The following PRDM16 variants were observed in gnomAD, a reference collection of about 807,000 sequenced individuals.
PRDM16 encodes the protein histone-lysine N-methyltransferase PRDM16.
A neutral mutation model predicts 110.6 loss-of-function variants in PRDM16; 23 were observed. That is an observed-to-expected ratio of 0.21 (90% CI 0.15 to 0.29). PRDM16 has a LOEUF of 0.29. PRDM16 is among the 10% of genes least tolerant of loss of function. PRDM16 has a pLI of 1.00. For missense variants in PRDM16, 1,615 were observed against 1,794.3 expected, an observed-to-expected ratio of 0.90 and a Z score of 1.81; for synonymous variants, 799 against 781.8, an observed-to-expected ratio of 1.02 and a Z score of -0.37.
Position 3,361,828 on chromosome 1 carries a change from C to T in PRDM16, c.439-23324C>T, listed in dbSNP as rs557415845. Among the ~76,000 whole-genome samples, 23 of 148,878 alleles carry T rather than the reference C, an allele frequency of 1.5e-4. 1 individual carries two copies. The highest frequency in any genetic ancestry group is 5.7e-4 in the African/African-American group (23 of 40,580). ...CAGGAGGGCAGGTGGTGAGAAGTGACTGTGGCCCAGGAGGGCAGGTGGTGA... is the reference window on the plus strand; with the variant it reads ...CAGGAGGGCAGGTGGTGAGAAGTGATTGTGGCCCAGGAGGGCAGGTGGTGA... On this transcript the variant is annotated intron_variant, in intron 3 of 16. Transcript: ENST00000270722.
At chr1:3,162,283 G>A (rs1201101317) in intron 1 of PRDM16, among the ~76,000 whole-genome samples, 2 of 151,748 alleles carry the variant, frequency 1.3e-5, no homozygotes, top group Admixed American at 6.6e-5. Flanking sequence ...CCCGAGTCCC[G>A]GGACTTTCTC....
At chr1:3,383,496 T>G (rs1643141058) in intron 3 of PRDM16, among the ~76,000 whole-genome samples, 1 of 152,102 alleles carries the variant, frequency 6.6e-6, no homozygotes, top group South Asian at 2.1e-4. Context: ...CCTGGAAGCC[T>G]CAGGGGAAGA....
At chr1:3,375,113 C>T (rs918241055) in intron 3 of PRDM16, among the ~76,000 whole-genome samples, 3 of 152,190 alleles carry the variant, frequency 2.0e-5, no homozygotes, top group East Asian at 1.9e-4. Flanking sequence ...GGGGGGACAC[C>T]GAGGCAGGAC....
chr1:3,069,383 G>A lies in PRDM16; in HGVS notation c.37+87G>A. 2.8e-6 allele frequency: 1 copy of A among 362,636 alleles called. No individual in the cohort carries two copies. Among genetic ancestry groups the A allele is most frequent in the Non-Finnish European group, 3.8e-6 (1 of 265,726 alleles). 22.5% of individuals were successfully genotyped at this position (362,636 alleles called of 1,614,324 possible). A position where few individuals can be genotyped will look rare whatever the true frequency, so the allele number is the denominator to read the frequency against. ...CCGGGCCAGGGGTGCGCGTCGGGGC[G>A]CGGCCGGCGCGCCTGCGGCTCCGGG... On this transcript the variant is annotated intron_variant, in intron 1 of 16. Transcript: ENST00000270722. This position sits in a 1 kb window ranked among gnomAD's most constrained non-coding sequence, Gnocchi z 6.1.
chr1:3,313,991 T>G (rs1641531205), intron 3 of PRDM16, among the ~76,000 whole-genome samples: 1 of 148,268 alleles, frequency 6.7e-6, no homozygotes, highest in South Asian at 2.1e-4. Context: ...GAAATGTAAT[T>G]AGGGAGTCAC....
At position 3,350,933 on chromosome 1, in the gene PRDM16, C is replaced by T. The variant is rs1035439901; in HGVS notation, c.439-34219C>T. Among the ~76,000 whole-genome samples the T allele has an allele frequency of 1.9e-4, 29 of 152,194 alleles. No individual in the cohort carries two copies. Among genetic ancestry groups the T allele is most frequent in the Admixed American group, 5.2e-4 (8 of 15,282 alleles). ...GGACTTGGGGATTCACTTCAGCTCT[C>T]GCTTTATTATGGAGCCTGGGAGAAA... On this transcript the variant is annotated intron_variant, in intron 3 of 16. Transcript: ENST00000270722. The surrounding 1 kb of genome is among the most constrained non-coding windows in gnomAD (Gnocchi z 7.1).
At chr1:3,259,768 C>A (rs1216877162) in intron 3 of PRDM16, among the ~76,000 whole-genome samples, 1 of 151,952 alleles carries the variant, frequency 6.6e-6, no homozygotes, top group Non-Finnish European at 1.5e-5. Flanking sequence ...TCTGCGTGAG[C>A]CACCTCCGTG....
chr1:3,137,874 C>T (rs550538814), intron 1 of PRDM16, among the ~76,000 whole-genome samples: 2 of 152,358 alleles, frequency 1.3e-5, no homozygotes, highest in Admixed American at 6.5e-5. Context: ...CATCCTCCCT[C>T]GCCGATGCTT....
At chr1:3,276,267 C>T (rs1176639063) in intron 3 of PRDM16, among the ~76,000 whole-genome samples, 1 of 152,226 alleles carries the variant, frequency 6.6e-6, no homozygotes, top group Non-Finnish European at 1.5e-5. Flanking sequence ...CCCCGGCCCC[C>T]GCCATCCTCG....
intron 3 of PRDM16, among the ~76,000 whole-genome samples, chr1:3,342,951 A>G (rs961687684): frequency 6.6e-6 from 1 of 152,148 alleles, no homozygotes; most frequent in Non-Finnish European, 1.5e-5. Context: ...AGTTTCTACA[A>G]GTATTCATGT....
At chr1:3,323,089 CGCT>C (rs1641799165) in intron 3 of PRDM16, among the ~76,000 whole-genome samples, 1 of 152,184 alleles carries the variant, frequency 6.6e-6, no homozygotes, top group Non-Finnish European at 1.5e-5. Context: ...TTGTGCCTGT[CGCT>C]AGTGTACTGT....
intron 1 of PRDM16, among the ~76,000 whole-genome samples, chr1:3,108,127 T>G (rs1005368375): frequency 6.6e-6 from 1 of 152,256 alleles, no homozygotes; most frequent in Non-Finnish European, 1.5e-5. Context: ...ACACAGAGTG[T>G]GAAATCTTAC....
intron 1 of PRDM16, among the ~76,000 whole-genome samples, chr1:3,128,212 C>G (rs1643252013): frequency 1.3e-5 from 2 of 152,178 alleles, no homozygotes; most frequent in South Asian, 4.1e-4. Flanking sequence ...CCCGTGATCT[C>G]TCTTCTGAGA....
At chr1:3,181,025 C>T (rs1349867152) in intron 1 of PRDM16, among the ~76,000 whole-genome samples, 1 of 137,634 alleles carries the variant, frequency 7.3e-6, no homozygotes, top group African/African-American at 2.6e-5. Context: ...CAAATGCGGT[C>T]TTACACGCGG....
At chr1:3,116,546 G>C (rs116600940) in intron 1 of PRDM16, among the ~76,000 whole-genome samples, 3 of 152,118 alleles carry the variant, frequency 2.0e-5, no homozygotes, top group Non-Finnish European at 4.4e-5. Context: ...GTCTTTCCCC[G>C]GCTGGGGCAG....
intron 1 of PRDM16, among the ~76,000 whole-genome samples, chr1:3,118,070 T>C (rs1260317327): frequency 6.6e-6 from 1 of 150,920 alleles, no homozygotes; most frequent in African/African-American, 2.4e-5. Context: ...TACATGCATG[T>C]GTGTGTGCGT....
chr1:3,164,300 A>G (rs1643925397), intron 1 of PRDM16, among the ~76,000 whole-genome samples: 1 of 152,228 alleles, frequency 6.6e-6, no homozygotes, highest in Admixed American at 6.5e-5. Context: ...GAAATTTGAG[A>G]AGGCAAAGTT....
chr1:3,413,940 G>A (rs1018417848), intron 9 of PRDM16, among the ~76,000 whole-genome samples: 1 of 152,148 alleles, frequency 6.6e-6, no homozygotes, highest in Non-Finnish European at 1.5e-5. Context: ...GTTTAGACAG[G>A]GCCCTGTCTG....
Position 3,144,530 on chromosome 1 carries a change from C to T in PRDM16, c.38-41595C>T, listed in dbSNP as rs564427605. Among the ~76,000 whole-genome samples the T allele has an allele frequency of 1.1e-4, 16 of 150,044 alleles. No homozygotes were observed. In the East Asian group the frequency reaches 3.1e-3, roughly 29 times the overall value. On this transcript the variant is annotated intron_variant, in intron 1 of 16. Coordinates refer to ENST00000270722, the MANE Select transcript of PRDM16 (RefSeq NM_022114.4). The stretch of plus-strand genomic sequence containing the variant: ...CCCAGCTCCACTCTGAGGTGGATGA[C>T]CTTGGGGTGGGTGGGGGAGGGGGTG...
Sources: allele counts gnomAD v4.1 joint callset (sites outside exome capture counted in the v4.1 genomes callset), GRCh38; gene constraint gnomAD v4.1.1; non-coding constraint Gnocchi (gnomAD v3.1); transcripts MANE v1.5; gene names NCBI Gene and HGNC (gene_info 2026-07-23, HGNC 2026-07-21).